Variants in ZMYM2 observed in about 807,000 individuals in gnomAD.
ZMYM2 encodes the protein zinc finger MYM-type containing 2.
A neutral mutation model predicts 162.8 loss-of-function variants in ZMYM2; 56 were observed. The ratio of observed to expected loss-of-function variants is 0.34; its 90% CI spans 0.28 to 0.43. The LOEUF is 0.43. Among genes scored for constraint, ZMYM2 ranks in the 20% least tolerant of loss-of-function variants. ZMYM2 has a pLI of 1.00. For missense variants in ZMYM2, 1,275 were observed against 1,621.8 expected, an observed-to-expected ratio of 0.79 and a Z score of 3.67; for synonymous variants, 510 against 541.6, an observed-to-expected ratio of 0.94 and a Z score of 0.81.
chr13:19,918,157 T>G, the ZMYM2 span, among the ~76,000 whole-genome samples: 1 of 152,086 alleles, frequency 6.6e-6, no homozygotes, highest in Non-Finnish European at 1.5e-5. Flanking sequence ...TTAAAACCTT[T>G]TTATTGGCCG....
intron 2 of ZMYM2, among the ~76,000 whole-genome samples, chr13:19,975,566 C>T (rs1956707680): frequency 6.6e-6 from 1 of 152,200 alleles, no homozygotes; most frequent in South Asian, 2.1e-4. Context: ...TTTAGCCGTT[C>T]ACTCTGTTGG....
At position 20,062,414 on chromosome 13, in the gene ZMYM2, C is replaced by T. The variant is rs535370998; in HGVS notation, c.2912-432C>T. ...ACAAAAACACTTGAAAGCAACTGAT[C>T]GAACCATTAAAAGGCAGTTGTTAAT... On this transcript the variant is annotated intron_variant, in intron 17 of 24. Transcript: ENST00000610343. Among the ~76,000 whole-genome samples, 57 of 152,222 alleles carry T rather than the reference C, an allele frequency of 3.7e-4. No homozygotes were observed. In the South Asian group the frequency reaches 7.7e-3, roughly 20 times the overall value.
intron 2 of ZMYM2, among the ~76,000 whole-genome samples, chr13:19,990,074 C>G (rs577370015): frequency 1.3e-5 from 2 of 152,282 alleles, no homozygotes; most frequent in East Asian, 3.9e-4. Context: ...TATTTAAAAC[C>G]TGAGATTGTA....
chr13:20,041,204 G>A lies in ZMYM2; in HGVS notation c.2292+4295G>A, dbSNP rs1954216795. Among the ~76,000 whole-genome samples, 4 of 152,278 alleles carry A rather than the reference G, an allele frequency of 2.6e-5. No individual in the cohort carries two copies. The South Asian group carries it at 8.3e-4, about 32-fold the overall frequency. ...ATTGTCTAGGAGTCTAAGTCTCTTTGTACATCTCTAAGAACTTCCTTTATG... is the reference window on the plus strand; with the variant it reads ...ATTGTCTAGGAGTCTAAGTCTCTTTATACATCTCTAAGAACTTCCTTTATG... On this transcript the variant is annotated intron_variant, in intron 12 of 24. Coordinates refer to ENST00000610343, the MANE Select transcript of ZMYM2 (RefSeq NM_197968.4).
chr13:20,088,090 T>C lies in ZMYM2; in HGVS notation c.*2076T>C, dbSNP rs1028046757. 2.0e-5 allele frequency: 4 copies of C among 198,674 alleles called. No homozygotes were observed. The highest frequency in any genetic ancestry group is 6.0e-5 in the Admixed American group (1 of 16,662). The allele number at this position is 198,674 out of a possible 1,614,324, so 12.3% of individuals were successfully genotyped here. A position where few individuals can be genotyped will look rare whatever the true frequency, so the allele number is the denominator to read the frequency against. ...TGTCTTGCTATTTACAGTTTCTTCATTTGTATATTTTTAGCTTTTCTAAGT... is the reference window on the plus strand; with the variant it reads ...TGTCTTGCTATTTACAGTTTCTTCACTTGTATATTTTTAGCTTTTCTAAGT... On this transcript the variant is annotated 3_prime_UTR_variant, in exon 25 of 25. Coordinates refer to ENST00000610343, the MANE Select transcript of ZMYM2 (RefSeq NM_197968.4).
intron 22 of ZMYM2, among the ~76,000 whole-genome samples, chr13:20,082,452 AT>A (rs528096450): frequency 6.6e-6 from 1 of 152,148 alleles, no homozygotes; most frequent in Non-Finnish European, 1.5e-5. Flanking sequence ...GAAAATGTGT[AT>A]GTATGTGGAG....
intron 11 of ZMYM2, 144 bp downstream of exon 11, chr13:20,034,548 AT>A: frequency 1.4e-6 from 1 of 710,290 alleles, no homozygotes; most frequent in Non-Finnish European, 2.0e-6. Context: ...TTGTTTCGTT[AT>A]TTTATATGTG....
rs1292981238 is a variant in ZMYM2, at chr13:20,003,101, C to T, written c.1099C>T (p.Pro367Ser). 1.2e-6 allele frequency: 2 copies of T among 1,614,174 alleles called. No homozygotes were observed. ...TTCLSSFSHK[P>S]APKKLCVMCK... The stretch of plus-strand genomic sequence containing the variant: ...CTGCCTTTCTTCCTTCTCCCACAAG[C>T]CTGCTCCAAAGAAACTCTGTGTTAT... Residue 367 changes from proline to serine, a missense_variant, in exon 4 of 25, where the codon CCT (proline) becomes TCT (serine). Physicochemically the swap from Pro to Ser is moderately conservative, Grantham distance 74. Around this residue, in one of 10 missense-constraint regions of ZMYM2, gnomAD observed 115 missense variants for 175.3 expected, o/e 0.66. Transcript: ENST00000610343.
the ZMYM2 span, among the ~76,000 whole-genome samples, chr13:19,905,858 G>T: frequency 6.6e-6 from 1 of 152,084 alleles, no homozygotes; most frequent in Non-Finnish European, 1.5e-5. Flanking sequence ...AATAAAACTT[G>T]GGCTGGGCAT....
intron 12 of ZMYM2, among the ~76,000 whole-genome samples, chr13:20,050,767 T>C (rs1251013105): frequency 6.6e-6 from 1 of 152,022 alleles, no homozygotes; most frequent in East Asian, 1.9e-4. Context: ...TCTTGTATCG[T>C]TTTTTGGTAT....
chr13:19,903,396 T>C, the ZMYM2 span, among the ~76,000 whole-genome samples: 6 of 150,096 alleles, frequency 4.0e-5, no homozygotes, highest in Admixed American at 4.0e-4. Context: ...TTTCAGAACT[T>C]TGGGAGGCTG....
At chr13:19,913,225 C>T in the ZMYM2 span, among the ~76,000 whole-genome samples, 2 of 152,160 alleles carry the variant, frequency 1.3e-5, no homozygotes, top group Non-Finnish European at 2.9e-5. Flanking sequence ...TAACTACTCT[C>T]TTTCTGAGAA....
rs1419854329 is a variant in ZMYM2, at chr13:19,966,598, C to T, written c.-11+6572C>T. 2.6e-5 allele frequency among the ~76,000 whole-genome samples: 4 copies of T among 151,972 alleles called. No homozygotes were observed. In the East Asian group the frequency reaches 5.8e-4, roughly 22 times the overall value. On this transcript the variant is annotated intron_variant, in intron 2 of 24. Coordinates refer to ENST00000610343, the MANE Select transcript of ZMYM2 (RefSeq NM_197968.4). ...CTGGGATTACAGGCATGTGCCACCA[C>T]GCCGGGCTGATTTTGTATTTTTAGT...
At chr13:20,018,633 C>CTTG (rs765899059) in intron 6 of ZMYM2, among the ~76,000 whole-genome samples, 36 of 152,170 alleles carry the variant, frequency 2.4e-4, no homozygotes, top group Non-Finnish European at 4.0e-4. Context: ...CTGTATAATG[C>CTTG]TTGTCCTGTG....
chr13:19,902,765 CA>C, the ZMYM2 span, among the ~76,000 whole-genome samples: 1 of 152,230 alleles, frequency 6.6e-6, no homozygotes, highest in Non-Finnish European at 1.5e-5. Flanking sequence ...ATAATCCCAG[CA>C]CTTTGGGAGG....
chr13:19,951,770 C>T, the ZMYM2 span, among the ~76,000 whole-genome samples: 1 of 151,916 alleles, frequency 6.6e-6, no homozygotes, highest in Non-Finnish European at 1.5e-5. Context: ...AAAGGGAACC[C>T]TTGCACACTG....
In ZMYM2 at chr13:20,067,328, C is replaced by A. The variant is rs893622632; in HGVS notation, c.3391C>A (p.Arg1131=). Residue 1131 remains arginine, a synonymous_variant, in exon 21 of 25, where the codon CGG becomes AGG. Transcript: ENST00000610343. ...GLAHFVNEIR[R]PNGENYAPDS... ...AGCTCATTTTGTCAATGAGATCCGA[C>A]GGCCAAATGGAGAGAATTATGCACC... 1.9e-6 allele frequency: 3 copies of A among 1,609,582 alleles called. No homozygotes were observed. The African/African-American group carries it at 4.0e-5, about 21-fold the overall frequency.
At chr13:20,054,651 T>G (rs965767461) in intron 14 of ZMYM2, among the ~76,000 whole-genome samples, 2 of 152,202 alleles carry the variant, frequency 1.3e-5, no homozygotes, top group Non-Finnish European at 2.9e-5. Flanking sequence ...GTAAAAAACA[T>G]TCTAAAAAAC....
At chr13:20,017,476 A>G (rs1291672961) in intron 6 of ZMYM2, among the ~76,000 whole-genome samples, 2 of 152,066 alleles carry the variant, frequency 1.3e-5, no homozygotes, top group African/African-American at 2.4e-5. Context: ...TATCCTTCCT[A>G]GTGTTTGCTA....
Sources: gnomAD v4.1 joint callset for allele counts (sites outside exome capture counted in the v4.1 genomes callset) on GRCh38, gnomAD v4.1.1 for gene constraint, gnomAD v4.1.1 regional missense constraint, MANE v1.5 for transcripts, NCBI Gene and HGNC (gene_info 2026-07-23, HGNC 2026-07-21) for gene names.